The following DGKH variants were observed in gnomAD, a reference collection of about 807,000 sequenced individuals.
DGKH encodes the protein DAG kinase eta.
Under a neutral mutation model 159.3 loss-of-function variants are expected in DGKH, and 90 were observed. The ratio of observed to expected loss-of-function variants is 0.57; its 90% CI spans 0.48 to 0.67. DGKH has a LOEUF of 0.67. Among genes scored for constraint, DGKH ranks in the 30% least tolerant of loss-of-function variants. DGKH has a pLI of 0.00. For synonymous variants in DGKH, 536 were observed against 553.8 expected (o/e 0.97, Z 0.45); for missense variants, 1,181 against 1,506.1 (o/e 0.78, Z 3.57).
intron 11 of DGKH, among the ~76,000 whole-genome samples, chr13:42,173,152 G>C (rs1162349186): frequency 1.3e-5 from 2 of 152,012 alleles, no homozygotes; most frequent in Middle Eastern, 3.4e-3. Flanking sequence ...TAATTTTTTT[G>C]TAGAGACAAG....
At chr13:42,131,084 G>A (rs1032645448) in intron 3 of DGKH, among the ~76,000 whole-genome samples, 1 of 152,116 alleles carries the variant, frequency 6.6e-6, no homozygotes, top group Non-Finnish European at 1.5e-5. Context: ...TCCCATTGAT[G>A]TGAGTAGTTT....
intron 3 of DGKH, among the ~76,000 whole-genome samples, chr13:42,137,717 T>A (rs1955429360): frequency 6.6e-6 from 1 of 152,226 alleles, no homozygotes; most frequent in South Asian, 2.1e-4. Context: ...CATTGTATTT[T>A]GGCACTGTAC....
At chr13:42,058,930 G>A (rs1168766128) in intron 1 of DGKH, among the ~76,000 whole-genome samples, 1 of 152,142 alleles carries the variant, frequency 6.6e-6, no homozygotes, top group East Asian at 1.9e-4. Flanking sequence ...TTGACATGAG[G>A]GGGAAATAGA....
intron 1 of DGKH, among the ~76,000 whole-genome samples, chr13:42,055,782 A>G (rs1013770030): frequency 1.3e-5 from 2 of 152,238 alleles, no homozygotes; most frequent in African/African-American, 4.8e-5. Context: ...TTAGTACATT[A>G]CAGTTTCCCT....
intron 1 of DGKH, among the ~76,000 whole-genome samples, chr13:42,100,394 A>G (rs1196198668): frequency 1.3e-5 from 2 of 152,322 alleles, no homozygotes; most frequent in East Asian, 3.9e-4. Flanking sequence ...TGTAGTAATA[A>G]TAAAAATAAA....
intron 1 of DGKH, among the ~76,000 whole-genome samples, chr13:42,097,373 T>C (rs1035448116): frequency 2.6e-5 from 4 of 152,212 alleles, no homozygotes; most frequent in Non-Finnish European, 5.9e-5. Flanking sequence ...ACGAATACCC[T>C]TGAAGCCGAC....
chr13:42,154,672 TA>T (rs749827939), intron 3 of DGKH, among the ~76,000 whole-genome samples: 9 of 152,132 alleles, frequency 5.9e-5, no homozygotes, highest in Non-Finnish European at 1.5e-5. Context: ...CATAAATCAT[TA>T]AAATAGACAG....
At chr13:42,227,207 A>G (rs767600240) in intron 29 of DGKH, among the ~76,000 whole-genome samples, 5 of 152,212 alleles carry the variant, frequency 3.3e-5, no homozygotes, top group Admixed American at 6.5e-5. Flanking sequence ...ACCATGGCAC[A>G]CTTTTACCTA....
intron 1 of DGKH, among the ~76,000 whole-genome samples, chr13:42,123,545 G>GAAAA (rs5803113): frequency 6.6e-6 from 1 of 151,036 alleles, no homozygotes. Flanking sequence ...TAATACAATG[G>GAAAA]AAAAAAAAAG....
At chr13:42,133,754 G>A (rs1014826070) in intron 3 of DGKH, among the ~76,000 whole-genome samples, 2 of 151,990 alleles carry the variant, frequency 1.3e-5, no homozygotes, top group Non-Finnish European at 2.9e-5. Flanking sequence ...ACAAATGTAG[G>A]GACTAAAAAG....
Position 42,214,622 on chromosome 13 carries a change from T to C in DGKH, c.3120+10T>C, listed in dbSNP as rs371004491. On this transcript the variant is annotated intron_variant, in intron 25 of 29. Transcript: ENST00000337343. ...CCCAAGGTGCCCGGAGGTGAGGATC[T>C]AATGGTAAATTCTCATTCCACAGAT... 3 of 1,610,094 alleles carry C rather than the reference T, an allele frequency of 1.9e-6. No individual in the cohort carries two copies. Among genetic ancestry groups the C allele is most frequent in the African/African-American group, 2.7e-5 (2 of 74,710 alleles).
At chr13:42,143,638 G>A (rs1246098062) in intron 3 of DGKH, among the ~76,000 whole-genome samples, 1 of 152,164 alleles carries the variant, frequency 6.6e-6, no homozygotes, top group East Asian at 1.9e-4. Flanking sequence ...GAGGGTGTAT[G>A]TGTCGAGGAA....
intron 13 of DGKH, chr13:42,181,729 C>T (rs541194780): frequency 2.6e-6 from 2 of 772,390 alleles, no homozygotes; most frequent in Non-Finnish European, 3.8e-6. Context: ...CCCACAGCCA[C>T]GCCAGCTGCA....
At chr13:42,102,604 A>G (rs1367450683) in intron 1 of DGKH, among the ~76,000 whole-genome samples, 1 of 152,254 alleles carries the variant, frequency 6.6e-6, no homozygotes, top group Non-Finnish European at 1.5e-5. Flanking sequence ...CACTCTGCCT[A>G]GTGAATTAAA....
At position 42,254,734 on chromosome 13, in the gene DGKH, T is replaced by A. The variant is rs535948829; in HGVS notation, n.4128-1550T>A. On this transcript the variant is annotated intron_variant and non_coding_transcript_variant, in intron 30 of 30. Transcript: ENST00000498255. ...TAAACTAAATTGAAGGCAGTATATA[T>A]GCTTTATAATCCTATTTTGAATTAT... Among the ~76,000 whole-genome samples, 3 of 152,176 alleles carry A rather than the reference T, an allele frequency of 2.0e-5. No homozygotes were observed. In the South Asian group the frequency reaches 6.2e-4, roughly 31 times the overall value.
chr13:42,123,966 T>C (rs1955123977), intron 1 of DGKH, among the ~76,000 whole-genome samples: 1 of 152,210 alleles, frequency 6.6e-6, no homozygotes, highest in Non-Finnish European at 1.5e-5. Context: ...GGTAGTGGTT[T>C]CATGGCCATA....
rs1318106486 is a variant in DGKH at position 42,155,647 on chromosome 13, T to A, written c.490-20T>A. 1 of 1,614,120 alleles carries A rather than the reference T, an allele frequency of 6.2e-7. No individual in the cohort carries two copies. The highest frequency in any genetic ancestry group is 1.1e-5 in the South Asian group (1 of 91,068). On this transcript the variant is annotated intron_variant, in intron 4 of 29. Coordinates refer to ENST00000337343, the MANE Select transcript of DGKH (RefSeq NM_178009.5). ...CTTGTTCACTGGCTTGGCAAATCTGTCCTCACATCTCATTTCTAGGTGGCC... is the reference window on the plus strand; with the variant it reads ...CTTGTTCACTGGCTTGGCAAATCTGACCTCACATCTCATTTCTAGGTGGCC...
Position 42,162,867 on chromosome 13 carries a change from T to A in DGKH, c.856-2464T>A, listed in dbSNP as rs67162960. On this transcript the variant is annotated intron_variant, in intron 7 of 29. Transcript: ENST00000337343. Reference sequence around the variant, plus strand: ...TTTATTTTGCGTATGTCTTTTTTTTTAATTATTATTATACTTTTAGTTTTA... The same window carrying A: ...TTTATTTTGCGTATGTCTTTTTTTTAAATTATTATTATACTTTTAGTTTTA... Among the ~76,000 whole-genome samples, 853 of 150,952 alleles carry A rather than the reference T, an allele frequency of 5.7e-3. 7 individuals carry two copies. Among genetic ancestry groups the A allele is most frequent in the Middle Eastern group, 0.01 (3 of 290 alleles).
In DGKH at chr13:42,238,958, A is replaced by C. The variant is rs1958469302; in HGVS notation, c.*9770A>C. 1 of 152,108 alleles carries C rather than the reference A, an allele frequency of 6.6e-6. No homozygotes were observed. Among genetic ancestry groups the C allele is most frequent in the Admixed American group, 6.5e-5 (1 of 15,270 alleles). The allele number at this position is 152,108 out of a possible 1,614,324, so 9.4% of individuals were successfully genotyped here. A position where few individuals can be genotyped will look rare whatever the true frequency, so the allele number is the denominator to read the frequency against. ...GCTCCTGTTGCATCTCACTGCCCCAAAAATGTTGGAATGCCATATGATACA... is the reference window on the plus strand; with the variant it reads ...GCTCCTGTTGCATCTCACTGCCCCACAAATGTTGGAATGCCATATGATACA... On this transcript the variant is annotated 3_prime_UTR_variant, in exon 30 of 30. Transcript: ENST00000337343.
Sources: allele counts gnomAD v4.1 joint callset (sites outside exome capture counted in the v4.1 genomes callset), GRCh38; gene constraint gnomAD v4.1.1; transcripts MANE v1.5; gene names NCBI Gene and HGNC (gene_info 2026-07-23, HGNC 2026-07-21).